GSN: variants seen among roughly 807,000 people sequenced by gnomAD.
GSN encodes the protein gelsolin, also known as actin-depolymerizing factor.
GSN carries 56 observed loss-of-function variants against 85.7 expected under a neutral mutation model. The observed-to-expected ratio is 0.65, with a 90% CI of 0.53 to 0.82. The LOEUF is 0.82. Ranked by LOEUF, GSN falls within the 40% of genes least tolerant of loss-of-function variation. The probability of loss-of-function intolerance (pLI) is 0.00; values close to 1 mark genes in which losing one functional copy is unlikely to be tolerated. For synonymous variants in GSN, 373 were observed against 399.1 expected, an observed-to-expected ratio of 0.93 and a Z score of 0.78; for missense variants, 857 against 979.8, an observed-to-expected ratio of 0.87 and a Z score of 1.67.
At chr9:121,292,341 C>A (rs1205060454) in intron 2 of GSN, among the ~76,000 whole-genome samples, 1 of 152,178 alleles carries the variant, frequency 6.6e-6, no homozygotes, top group African/African-American at 2.4e-5. Context: ...GAGATGCATC[C>A]CCATCCCTGG....
rs529157590 is a variant in GSN at position 121,318,565 on chromosome 9, G to T, written c.975+71G>T. 6.8e-7 allele frequency: 1 copy of T among 1,473,328 alleles called. No homozygotes were observed. The highest frequency in any genetic ancestry group is 1.4e-5 in the African/African-American group (1 of 72,230). The allele number at this position is 1,473,328 out of a possible 1,614,324, so 91.3% of individuals were successfully genotyped here. On this transcript the variant is annotated intron_variant, in intron 9 of 17. Transcript: ENST00000432226. This position sits in a 1 kb window ranked among gnomAD's most constrained non-coding sequence, Gnocchi z 4.3. The stretch of plus-strand genomic sequence containing the variant: ...TGGAGGGGATGGGCTGGAGTAGGGC[G>T]GGTGTCCCACCCTCAGTGTGGATGG...
At position 121,286,747 on chromosome 9, in the gene GSN, A is replaced by T. The variant is rs1356099374; in HGVS notation, c.-10+5185A>T. The T allele has an allele frequency of 2.6e-6, 4 of 1,535,250 alleles. No individual in the cohort carries two copies. Among genetic ancestry groups the T allele is most frequent in the Non-Finnish European group, 3.5e-6 (4 of 1,146,608 alleles). The stretch of plus-strand genomic sequence containing the variant: ...ACCTGTCTGATGAGAGCTGATCTTC[A>T]TGCCACTGTGTACAGTAGGTATTTT... On this transcript the variant is annotated intron_variant, in intron 2 of 17. Transcript: ENST00000432226.
At chr9:121,272,963 T>TTCCTTCCCAGGCCCTCC (rs2056189677) in intron 1 of GSN, among the ~76,000 whole-genome samples, 2 of 152,094 alleles carry the variant, frequency 1.3e-5, no homozygotes, top group African/African-American at 4.8e-5. Flanking sequence ...GCCTGTCAGG[T>TTCCTTCCCAGGCCCTCC]TCCTTCCCAG....
At chr9:121,303,170 G>A (rs2060074959) in intron 4 of GSN, 105 bp downstream of exon 4, 3 of 1,090,544 alleles carry the variant, frequency 2.8e-6, no homozygotes, top group Middle Eastern at 2.0e-4. Flanking sequence ...TGGGCAGACC[G>A]ATCAGAGGTC....
At chr9:121,231,582 G>C (rs1393540338) in intron 5 of GSN, among the ~76,000 whole-genome samples, 1 of 152,168 alleles carries the variant, frequency 6.6e-6, no homozygotes, top group African/African-American at 2.4e-5. Flanking sequence ...AGTAATGTCA[G>C]TGGGTATCAG....
In GSN at chr9:121,299,875, GCCCCGCGCCCGC is replaced by G; in HGVS notation, c.-9-2087_-9-2076del. On this transcript the variant is annotated intron_variant, in intron 2 of 17. Transcript: ENST00000432226. This position sits in a 1 kb window ranked among gnomAD's most constrained non-coding sequence, Gnocchi z 4.2. Reference sequence around the variant, plus strand: ...GCTGTCGCCACCATGGCTCCGCACCGCCCCGCGCCCGCGCTGCTTTGCGCGCTGTCCCTGGCG... The same window carrying G: ...GCTGTCGCCACCATGGCTCCGCACCGGCTGCTTTGCGCGCTGTCCCTGGCG... The G allele has an allele frequency of 7.5e-7, 1 of 1,326,130 alleles. No individual in the cohort carries two copies. The allele number at this position is 1,326,130 out of a possible 1,614,324, so 82.1% of individuals were successfully genotyped here.
chr9:121,257,832 C>A (rs551451138), intron 6 of GSN, among the ~76,000 whole-genome samples: 1 of 152,138 alleles, frequency 6.6e-6, no homozygotes, highest in African/African-American at 2.4e-5. Flanking sequence ...GATTGCGTCA[C>A]TGCACTCCAG....
chr9:121,296,005 CT>C (rs1170193541), intron 2 of GSN, among the ~76,000 whole-genome samples: 1 of 152,232 alleles, frequency 6.6e-6, no homozygotes, highest in Admixed American at 6.5e-5. Context: ...GGCCTTTGGC[CT>C]GGGCAGTCAC....
At chr9:121,213,761 T>C (rs2054008257) in intron 4 of GSN, among the ~76,000 whole-genome samples, 1 of 152,134 alleles carries the variant, frequency 6.6e-6, no homozygotes, top group Admixed American at 6.5e-5. Context: ...ATGGGGACAC[T>C]GAGGCTCAGG....
chr9:121,229,259 C>T (rs927125688), intron 4 of GSN, among the ~76,000 whole-genome samples: 2 of 152,096 alleles, frequency 1.3e-5, no homozygotes, highest in African/African-American at 2.4e-5. Context: ...CTTGCGCTGT[C>T]GCCCAGGCTG....
chr9:121,317,845 G>T (rs917184791), intron 8 of GSN: 4 of 188,176 alleles, frequency 2.1e-5, no homozygotes, highest in Non-Finnish European at 3.4e-5. Context: ...AAAGGGAGAC[G>T]GTGGGGAGAA....
intron 5 of GSN, among the ~76,000 whole-genome samples, chr9:121,245,822 G>A (rs2054688564): frequency 6.6e-6 from 1 of 152,198 alleles, no homozygotes; most frequent in South Asian, 2.1e-4. Context: ...GTGCAATCAT[G>A]GCTCTCTATA....
chr9:121,311,723 A>G (rs1204502014), intron 5 of GSN: 6 of 152,278 alleles, frequency 3.9e-5, no homozygotes, highest in African/African-American at 1.4e-4. Flanking sequence ...TTTATCTCTG[A>G]CCTTTTGCTC....
chr9:121,327,518 A>T, intron 14 of GSN, 36 bp downstream of exon 14: 2 of 1,513,364 alleles, frequency 1.3e-6, no homozygotes, highest in African/African-American at 1.4e-5. Context: ...TGCTGTCCGG[A>T]TGCAGCTATT....
chr9:121,305,123 A>G (rs1406113001), intron 4 of GSN, among the ~76,000 whole-genome samples: 1 of 152,234 alleles, frequency 6.6e-6, no homozygotes. Flanking sequence ...TTTCCAGGTC[A>G]GAGAATGTTG....
intron 4 of GSN, among the ~76,000 whole-genome samples, chr9:121,308,220 C>T (rs1177578442): frequency 6.6e-6 from 1 of 152,230 alleles, no homozygotes; most frequent in Non-Finnish European, 1.5e-5. Flanking sequence ...GGCCGCCCTG[C>T]TAGTCCCAAG....
upstream of GSN, among the ~76,000 whole-genome samples, chr9:121,206,229 G>C (rs2053879249): frequency 6.6e-6 from 1 of 151,974 alleles, no homozygotes; most frequent in Non-Finnish European, 1.5e-5. Context: ...AAAAGAAATG[G>C]TCAAAAAAGC....
Position 121,327,298 on chromosome 9 carries a change from A to G in GSN, c.1588-10A>G, listed in dbSNP as rs774363676. ...TCTGGTTCCTGATTAACCAAGCTGT[A>G]CCCTCCCAGGTATTGCCTAAGGCTG... On this transcript the variant is annotated splice_polypyrimidine_tract_variant and intron_variant, in intron 13 of 17. Coordinates refer to ENST00000432226, the MANE Select transcript of GSN (RefSeq NM_198252.3). The G allele has an allele frequency of 3.7e-6, 6 of 1,612,246 alleles. No individual in the cohort carries two copies. Among genetic ancestry groups the G allele is most frequent in the Non-Finnish European group, 5.1e-6 (6 of 1,178,504 alleles).
chr9:121,203,233 G>A (rs1011912916), upstream of GSN: 2 of 152,296 alleles, frequency 1.3e-5, no homozygotes, highest in African/African-American at 4.8e-5. Context: ...CAGGAGTTCT[G>A]GGCTGTAGTG....
Sources: allele counts gnomAD v4.1 joint callset (sites outside exome capture counted in the v4.1 genomes callset), GRCh38; gene constraint gnomAD v4.1.1; non-coding constraint Gnocchi (gnomAD v3.1); transcripts MANE v1.5; gene names NCBI Gene and HGNC (gene_info 2026-07-23, HGNC 2026-07-21).